Variants in NIN observed in about 807,000 individuals in gnomAD.
The protein encoded by NIN is ninein, also known as glycogen synthase kinase 3 beta-interacting protein.
NIN carries 137 observed loss-of-function variants against 257.6 expected under a neutral mutation model. The ratio of observed to expected loss-of-function variants is 0.53; its 90% CI spans 0.46 to 0.61. NIN has a LOEUF of 0.61. Ranked by LOEUF, NIN falls within the 20% of genes least tolerant of loss-of-function variation. NIN has a pLI of 0.00. For synonymous variants in NIN, 918 were observed against 919.8 expected, an observed-to-expected ratio of 1.00 and a Z score of 0.04; for missense variants, 2,439 against 2,501.2, an observed-to-expected ratio of 0.98 and a Z score of 0.53.
chr14:50,784,036 T>C (rs914550187), intron 5 of NIN, among the ~76,000 whole-genome samples: 1 of 152,222 alleles, frequency 6.6e-6, no homozygotes, highest in East Asian at 1.9e-4. Flanking sequence ...CCTTGAAATA[T>C]ACGTAACCTC....
intron 3 of NIN, among the ~76,000 whole-genome samples, chr14:50,819,043 G>A (rs773714126): frequency 4.3e-4 from 66 of 152,230 alleles, no homozygotes; most frequent in Non-Finnish European, 8.2e-4. Flanking sequence ...AAGTCCAATA[G>A]AGGTAAGGTG....
At chr14:50,766,688 A>C in intron 13 of NIN, 92 bp downstream of exon 13, 1 of 861,774 alleles carries the variant, frequency 1.2e-6, no homozygotes. Context: ...TAATTGCCTA[A>C]TAAAAATGTT....
intron 27 of NIN, among the ~76,000 whole-genome samples, chr14:50,736,012 T>G (rs980623411): frequency 6.6e-6 from 1 of 152,210 alleles, no homozygotes; most frequent in Admixed American, 6.5e-5. Flanking sequence ...TTAAATTGAT[T>G]TCATTATCCT....
Position 50,723,588 on chromosome 14 carries a change from C to G in NIN, c.6277G>C (p.Glu2093Gln), listed in dbSNP as rs1463138955. The G allele has an allele frequency of 1.9e-6, 3 of 1,613,914 alleles. No homozygotes were observed. Among genetic ancestry groups the G allele is most frequent in the East Asian group, 2.2e-5 (1 of 44,872 alleles). ...AQLLKALEVT[E>Q]QRQKTAEKKN... ...TTCTCTGCTGTTTTCTGTCGCTGTT[C>G]AGTCACTTCCAGAGCTTTCAACAAC... Residue 2093 changes from glutamate to glutamine, a missense_variant, in exon 31 of 31, where the codon GAA becomes CAA. This residue lies in a region of NIN where 2,043 missense variants were observed against 2,050.2 expected (regional missense o/e 1.00). Transcript: ENST00000530997.
intron 4 of NIN, among the ~76,000 whole-genome samples, chr14:50,794,998 A>C (rs551437863): frequency 4.3e-4 from 66 of 152,300 alleles, no homozygotes; most frequent in African/African-American, 1.5e-3. Flanking sequence ...TTATTTACTC[A>C]TTTATTTTTG....
rs2042778643 is a variant in NIN at position 50,772,571 on chromosome 14, A to C, written c.814-103T>G. ...GATGGGTAGAAGGCATGTTTCTCTA[A>C]TATACAGTGCCAGGAAAAAAGTCAT... On this transcript the variant is annotated intron_variant, in intron 8 of 30. Transcript: ENST00000530997. The C allele has an allele frequency of 3.0e-6, 3 of 1,004,766 alleles. No individual in the cohort carries two copies. The South Asian group carries it at 4.5e-5, about 15-fold the overall frequency. The allele number at this position is 1,004,766 out of a possible 1,614,324, so 62.2% of individuals were successfully genotyped here. A position where few individuals can be genotyped will look rare whatever the true frequency, so the allele number is the denominator to read the frequency against.
At chr14:50,733,096 T>C (rs1013391627) in intron 28 of NIN, among the ~76,000 whole-genome samples, 2 of 102,846 alleles carry the variant, frequency 1.9e-5, no homozygotes, top group Non-Finnish European at 4.0e-5. Flanking sequence ...ATAGCATTAA[T>C]AATTTTTTTT....
At chr14:50,775,277 G>T (rs1414331195) in intron 7 of NIN, among the ~76,000 whole-genome samples, 1 of 152,144 alleles carries the variant, frequency 6.6e-6, no homozygotes, top group Non-Finnish European at 1.5e-5. Flanking sequence ...CTTGGGGCCA[G>T]ATTCGGCATC....
chr14:50,731,117 GAC>G, intron 28 of NIN: 1 of 304,322 alleles, frequency 3.3e-6, no homozygotes, highest in Non-Finnish European at 6.4e-6. Flanking sequence ...GCATATGAAA[GAC>G]ACATTTTTCT....
At chr14:50,729,750 C>G in intron 28 of NIN, 27 bp from the exon 29 acceptor site, 1 of 1,533,064 alleles carries the variant, frequency 6.5e-7, no homozygotes, top group Non-Finnish European at 8.8e-7. Context: ...AAGCCCTGTT[C>G]AGCTGAGTCC....
chr14:50,756,472 C>A lies in NIN; in HGVS notation c.4538+20G>T. On this transcript the variant is annotated intron_variant, in intron 18 of 30. Transcript: ENST00000530997. Reference sequence around the variant, plus strand: ...AGGTGCTCTGTGGGATTCGTGACGTCTAGAAGGTACATACATTACCTCAGA... The same window carrying A: ...AGGTGCTCTGTGGGATTCGTGACGTATAGAAGGTACATACATTACCTCAGA... 1 of 1,565,542 alleles carries A rather than the reference C, an allele frequency of 6.4e-7. No homozygotes were observed. Among genetic ancestry groups the A allele is most frequent in the Non-Finnish European group, 8.6e-7 (1 of 1,160,142 alleles).
In NIN at chr14:50,821,920, G is replaced by A; in HGVS notation, c.137C>T (p.Ala46Val). Residue 46 changes from alanine to valine, a missense_variant, in exon 3 of 31, where the codon GCC (alanine) becomes GTC (valine). Around this residue, in one of 3 missense-constraint regions of NIN, gnomAD observed 387 missense variants for 427.3 expected, o/e 0.91. Transcript: ENST00000530997. The part of the protein sequence containing the change: ...LCHMLSLEEV[A>V]PVLQQTLLQD... The stretch of plus-strand genomic sequence containing the variant: ...AAGTAATGTCTGCTGCAGCACTGGG[G>A]CCACCTCCTCCAAGCTCAACATGTG... 6.2e-7 allele frequency: 1 copy of A among 1,614,092 alleles called. No individual in the cohort carries two copies. Among genetic ancestry groups the A allele is most frequent in the Non-Finnish European group, 8.5e-7 (1 of 1,180,010 alleles).
At chr14:50,730,169 AT>A (rs1415648627) in intron 28 of NIN, among the ~76,000 whole-genome samples, 5 of 151,992 alleles carry the variant, frequency 3.3e-5, no homozygotes, top group African/African-American at 7.2e-5. Context: ...CAAGTTAGCA[AT>A]TTTTTTTGGA....
Position 50,758,247 on chromosome 14 carries a change from G to C in NIN, c.2783C>G (p.Thr928Ser). The C allele has an allele frequency of 6.2e-7, 1 of 1,614,212 alleles. No homozygotes were observed. Among genetic ancestry groups the C allele is most frequent in the South Asian group, 1.1e-5 (1 of 91,084 alleles). ...DLEDLRNVSE[T>S]QQSLLSDQIL... ...CTGGTCAGACAGCAGGCTTTGCTGGGTTTCAGATACATTTCTTAGGTCTTC... is the reference window on the plus strand; with the variant it reads ...CTGGTCAGACAGCAGGCTTTGCTGGCTTTCAGATACATTTCTTAGGTCTTC... Residue 928 changes from threonine to serine, a missense_variant, in exon 18 of 31, where the codon ACC (threonine) becomes AGC (serine). By Grantham distance (58) the Thr-to-Ser change is moderately conservative. Around this residue, in one of 3 missense-constraint regions of NIN, gnomAD observed 2,043 missense variants for 2,050.2 expected, o/e 1.00. Coordinates refer to ENST00000530997, the MANE Select transcript of NIN (RefSeq NM_020921.4).
At position 50,756,854 on chromosome 14, in the gene NIN, C is replaced by A; in HGVS notation, c.4176G>T (p.Gln1392His). ...AGAGCTGTGTGTTCCCCTCAAGGTACTGGTTTTCTTGCTTACATTCCTCTA... is the reference window on the plus strand; with the variant it reads ...AGAGCTGTGTGTTCCCCTCAAGGTAATGGTTTTCTTGCTTACATTCCTCTA... ...HVIEECKQEN[Q>H]YLEGNTQLLE... Residue 1392 changes from glutamine (Q) to histidine (H), a missense_variant, in exon 18 of 31, where the codon CAG (glutamine) becomes CAT (histidine). Around this residue, in one of 3 missense-constraint regions of NIN, gnomAD observed 2,043 missense variants for 2,050.2 expected, o/e 1.00. Transcript: ENST00000530997. 1.3e-6 allele frequency: 2 copies of A among 1,552,070 alleles called. No homozygotes were observed. Among genetic ancestry groups the A allele is most frequent in the Non-Finnish European group, 1.7e-6 (2 of 1,147,080 alleles).
chr14:50,766,743 G>A, intron 13 of NIN, 37 bp downstream of exon 13: 1 of 1,392,612 alleles, frequency 7.2e-7, no homozygotes, highest in Non-Finnish European at 1.0e-6. Context: ...ACATAAAGTA[G>A]GCTGCCTATC....
intron 21 of NIN, among the ~76,000 whole-genome samples, chr14:50,750,124 T>C (rs60657413): frequency 0.063 from 9,534 of 152,162 alleles, 987 homozygotes; most frequent in African/African-American, 0.22. Flanking sequence ...CCTTTTTTTT[T>C]AAAACATCTT....
chr14:50,763,702 A>T, intron 15 of NIN, 124 bp downstream of exon 15: 1 of 637,952 alleles, frequency 1.6e-6, no homozygotes, highest in African/African-American at 2.1e-5. Context: ...AGAAAAGAGT[A>T]TGGCCAAATT....
chr14:50,820,192 TAG>T (rs1360566961), intron 3 of NIN, among the ~76,000 whole-genome samples: 11 of 152,326 alleles, frequency 7.2e-5, no homozygotes, highest in African/African-American at 2.6e-4. Context: ...TATCACACTA[TAG>T]ACCACTTAAG....
Sources: gnomAD v4.1 joint callset for allele counts (sites outside exome capture counted in the v4.1 genomes callset) on GRCh38, gnomAD v4.1.1 for gene constraint, gnomAD v4.1.1 regional missense constraint, MANE v1.5 for transcripts, NCBI Gene and HGNC (gene_info 2026-07-23, HGNC 2026-07-21) for gene names.